AUTS2: variants seen among roughly 807,000 people sequenced by gnomAD.
The protein encoded by AUTS2 is activator of transcription and developmental regulator AUTS2.
Under a neutral mutation model 112.4 loss-of-function variants are expected in AUTS2, and 17 were observed. The ratio of observed to expected loss-of-function variants is 0.15; its 90% CI spans 0.10 to 0.23. The LOEUF (loss-of-function observed/expected upper bound fraction) is 0.23. Among genes scored for constraint, AUTS2 ranks in the 10% least tolerant of loss-of-function variants. The pLI is 1.00. For synonymous variants in AUTS2, 751 were observed against 702.7 expected (o/e 1.07, Z -1.09); for missense variants, 1,510 against 1,701.6 (o/e 0.89, Z 1.98).
chr7:70,595,023 C>T (rs1803126422), intron 5 of AUTS2, among the ~76,000 whole-genome samples: 1 of 152,042 alleles, frequency 6.6e-6, no homozygotes, highest in Non-Finnish European at 1.5e-5. Context: ...ATTGCTTGAA[C>T]CTGGGAGGCG....
rs753885589 is a variant in AUTS2, at chr7:70,002,640, T to TA, written c.522+103143dup. 7.9e-4 allele frequency among the ~76,000 whole-genome samples: 120 copies of TA among 152,280 alleles called. No homozygotes were observed. In the Middle Eastern group the frequency reaches 0.01, roughly 13 times the overall value. Reference sequence around the variant, plus strand: ...ATAGAGAATTGATAGAGATGAGACTTACGATTTTTAGACGACACTTACAGT... The same window carrying TA: ...ATAGAGAATTGATAGAGATGAGACTTAACGATTTTTAGACGACACTTACAGT... On this transcript the variant is annotated intron_variant, in intron 2 of 18. Coordinates refer to ENST00000342771, the MANE Select transcript of AUTS2 (RefSeq NM_015570.4).
intron 2 of AUTS2, among the ~76,000 whole-genome samples, chr7:70,116,253 G>A (rs1004821193): frequency 6.6e-6 from 1 of 152,134 alleles, no homozygotes; most frequent in Non-Finnish European, 1.5e-5. Context: ...AAGGCTTCCC[G>A]GAGAAAGGGA....
chr7:70,183,952 G>A (rs779633925), intron 4 of AUTS2, among the ~76,000 whole-genome samples: 4 of 151,696 alleles, frequency 2.6e-5, no homozygotes, highest in Non-Finnish European at 2.9e-5. Flanking sequence ...ATGTAAAGAA[G>A]GAAGTTTAAT....
At chr7:70,272,291 A>G (rs1024032086) in intron 4 of AUTS2, among the ~76,000 whole-genome samples, 21 of 152,230 alleles carry the variant, frequency 1.4e-4, no homozygotes, top group African/African-American at 5.1e-4. Context: ...ACTGTAAACC[A>G]GGAGTCATCC....
At chr7:70,036,649 T>A (rs1289842856) in intron 2 of AUTS2, among the ~76,000 whole-genome samples, 4 of 152,190 alleles carry the variant, frequency 2.6e-5, no homozygotes, top group African/African-American at 7.2e-5. Flanking sequence ...ATAACAGCTA[T>A]CCAGAGACCT....
At chr7:70,248,692 C>T (rs1456247409) in intron 4 of AUTS2, among the ~76,000 whole-genome samples, 1 of 151,288 alleles carries the variant, frequency 6.6e-6, no homozygotes, top group Non-Finnish European at 1.5e-5. Context: ...TTTTTTTCTT[C>T]TGCAATTTCA....
intron 2 of AUTS2, among the ~76,000 whole-genome samples, chr7:69,949,719 A>C (rs753850337): frequency 7.9e-5 from 12 of 152,178 alleles, no homozygotes; most frequent in Admixed American, 3.9e-4. Context: ...TGAACTTTCC[A>C]TGATGCTCTT....
chr7:70,533,743 A>G (rs1800192649), intron 5 of AUTS2, among the ~76,000 whole-genome samples: 1 of 152,234 alleles, frequency 6.6e-6, no homozygotes, highest in African/African-American at 2.4e-5. Flanking sequence ...GGATGCTTCC[A>G]TTGCTCTCCT....
intron 1 of AUTS2, among the ~76,000 whole-genome samples, chr7:69,739,281 G>T: frequency 6.6e-6 from 1 of 152,082 alleles, no homozygotes; most frequent in East Asian, 1.9e-4. Flanking sequence ...TAATTAGGAT[G>T]AAATCATACA....
At chr7:70,054,645 C>T (rs1044877668) in intron 2 of AUTS2, among the ~76,000 whole-genome samples, 3 of 152,132 alleles carry the variant, frequency 2.0e-5, no homozygotes, top group African/African-American at 7.2e-5. Flanking sequence ...GAGATCACGG[C>T]TTCTTTTTCT....
intron 1 of AUTS2, among the ~76,000 whole-genome samples, chr7:69,639,087 T>C (rs1042272551): frequency 1.3e-5 from 2 of 152,228 alleles, no homozygotes; most frequent in African/African-American, 4.8e-5. Flanking sequence ...CTTAGTGAAT[T>C]ATTATAGAGT....
intron 5 of AUTS2, among the ~76,000 whole-genome samples, chr7:70,640,228 T>C (rs1363721402): frequency 6.6e-6 from 1 of 152,002 alleles, no homozygotes; most frequent in Non-Finnish European, 1.5e-5. Flanking sequence ...AAATATACTT[T>C]AGAACATTTC....
chr7:69,663,641 T>C (rs1584030468), intron 1 of AUTS2, among the ~76,000 whole-genome samples: 1 of 152,212 alleles, frequency 6.6e-6, no homozygotes, highest in African/African-American at 2.4e-5. Flanking sequence ...CTTGATAAAC[T>C]ATAAAGCCTT....
At chr7:70,113,004 C>T (rs1041510655) in intron 2 of AUTS2, among the ~76,000 whole-genome samples, 8 of 151,858 alleles carry the variant, frequency 5.3e-5, no homozygotes, top group African/African-American at 1.9e-4. Flanking sequence ...TTAAATTTTA[C>T]TAATGGTTAG....
intron 4 of AUTS2, among the ~76,000 whole-genome samples, chr7:70,168,799 CTG>C (rs1808517752): frequency 6.6e-6 from 1 of 152,098 alleles, no homozygotes; most frequent in Admixed American, 6.5e-5. Flanking sequence ...ATAAAGTTCT[CTG>C]TGTGCTGGTG....
At chr7:69,818,854 C>T (rs1345290045) in intron 1 of AUTS2, among the ~76,000 whole-genome samples, 1 of 152,140 alleles carries the variant, frequency 6.6e-6, no homozygotes, top group Non-Finnish European at 1.5e-5. Flanking sequence ...GGTCTGTGAC[C>T]TTTGTGTTTA....
intron 1 of AUTS2, among the ~76,000 whole-genome samples, chr7:69,843,337 G>T (rs974266412): frequency 6.6e-6 from 1 of 152,118 alleles, no homozygotes; most frequent in Admixed American, 6.5e-5. Flanking sequence ...TGTTGGAATG[G>T]AGAGTAGTGA....
At position 70,767,828 on chromosome 7, in the gene AUTS2, G is replaced by A. The variant is rs188105662; in HGVS notation, c.1690-196G>A. ...GTGCAGAACTAAAACGTACCACTTG[G>A]TTTTTAATTTTGTTCTTCCATTTCT... On this transcript the variant is annotated intron_variant, in intron 9 of 18. Coordinates refer to ENST00000342771, the MANE Select transcript of AUTS2 (RefSeq NM_015570.4). 2.0e-5 allele frequency among the ~76,000 whole-genome samples: 3 copies of A among 152,302 alleles called. No homozygotes were observed. The East Asian group carries it at 5.8e-4, about 29-fold the overall frequency.
At chr7:69,666,370 T>G (rs1474375691) in intron 1 of AUTS2, among the ~76,000 whole-genome samples, 1 of 152,196 alleles carries the variant, frequency 6.6e-6, no homozygotes, top group African/African-American at 2.4e-5. Context: ...AGTAAACAAT[T>G]TTAGGTACCC....
Sources: allele counts gnomAD v4.1 joint callset (sites outside exome capture counted in the v4.1 genomes callset), GRCh38; gene constraint gnomAD v4.1.1; transcripts MANE v1.5; gene names NCBI Gene and HGNC (gene_info 2026-07-23, HGNC 2026-07-21).